Variants in MICU1 observed in about 807,000 individuals in gnomAD.
MICU1 encodes calcium uptake protein 1, mitochondrial.
MICU1 carries 45 observed loss-of-function variants against 56.8 expected under a neutral mutation model. That is an observed-to-expected ratio of 0.79 (90% confidence interval 0.62 to 1.02). The LOEUF (loss-of-function observed/expected upper bound fraction) is 1.02. Ranked by LOEUF, MICU1 falls within the 50% of genes least tolerant of loss-of-function variation. The pLI, the probability that MICU1 is intolerant of heterozygous loss-of-function variation, is 0.00. For missense variants in MICU1, 504 were observed against 587.1 expected (o/e 0.86, Z 1.46); for synonymous variants, 186 against 195.1 (o/e 0.95, Z 0.39).
intron 5 of MICU1, among the ~76,000 whole-genome samples, chr10:72,511,561 G>T (rs186685211): frequency 1.8e-3 from 276 of 152,216 alleles, no homozygotes; most frequent in African/African-American, 5.4e-3. Flanking sequence ...AGTTATAAAG[G>T]CAGTCATCTG....
intron 10 of MICU1, among the ~76,000 whole-genome samples, chr10:72,404,461 G>A (rs1171125627): frequency 1.3e-5 from 2 of 152,142 alleles, no homozygotes; most frequent in South Asian, 2.1e-4. Context: ...ACAAACCATA[G>A]AGAAAATTAA....
chr10:72,469,090 C>G (rs111512850), intron 8 of MICU1, among the ~76,000 whole-genome samples: 2 of 152,288 alleles, frequency 1.3e-5, no homozygotes, highest in South Asian at 2.1e-4. Context: ...CTAAACCTGA[C>G]AGGGTTGTTG....
intron 1 of MICU1, among the ~76,000 whole-genome samples, chr10:72,585,347 T>C (rs919195105): frequency 1.3e-5 from 2 of 152,194 alleles, no homozygotes; most frequent in African/African-American, 4.8e-5. Context: ...TTATCCTCAC[T>C]TTGTATACCT....
chr10:72,587,879 G>A (rs2132521290), intron 1 of MICU1, among the ~76,000 whole-genome samples: 1 of 152,236 alleles, frequency 6.6e-6, no homozygotes, highest in East Asian at 1.9e-4. Flanking sequence ...TTCTTTGAGA[G>A]AAAAACACTT....
intron 6 of MICU1, among the ~76,000 whole-genome samples, chr10:72,501,275 A>G (rs1867059730): frequency 6.6e-6 from 1 of 152,158 alleles, no homozygotes; most frequent in African/African-American, 2.4e-5. Flanking sequence ...TGAATTCTGA[A>G]TTATAAGAAA....
intron 10 of MICU1, among the ~76,000 whole-genome samples, chr10:72,402,312 T>C (rs1161039346): frequency 6.6e-6 from 1 of 152,212 alleles, no homozygotes; most frequent in African/African-American, 2.4e-5. Flanking sequence ...AAAGGCATTT[T>C]GTTCCTGACT....
intron 1 of MICU1, among the ~76,000 whole-genome samples, chr10:72,578,608 T>C (rs1840814821): frequency 2.0e-5 from 3 of 151,262 alleles, no homozygotes; most frequent in African/African-American, 7.4e-5. Flanking sequence ...TTTTTTTTGC[T>C]GTTGTTGTTG....
At chr10:72,563,142 G>T in intron 2 of MICU1, 79 bp from the exon 3 acceptor site, 1 of 1,082,366 alleles carries the variant, frequency 9.2e-7, no homozygotes, top group Non-Finnish European at 1.2e-6. Flanking sequence ...ATACAGCTTA[G>T]CAGAGCAACA....
intron 4 of MICU1, among the ~76,000 whole-genome samples, chr10:72,544,382 A>G (rs1400790888): frequency 1.3e-5 from 2 of 152,086 alleles, no homozygotes; most frequent in East Asian, 1.9e-4. Flanking sequence ...GTCATCCTAG[A>G]GATAATATGG....
At chr10:72,613,821 C>T (rs986498633) in intron 1 of MICU1, among the ~76,000 whole-genome samples, 3 of 151,972 alleles carry the variant, frequency 2.0e-5, no homozygotes, top group Non-Finnish European at 4.4e-5. Flanking sequence ...CTTTTTCTCC[C>T]CTTACAACTC....
intron 5 of MICU1, chr10:72,524,827 A>T (rs376805063): frequency 1.1e-6 from 1 of 888,518 alleles, no homozygotes; most frequent in African/African-American, 1.7e-5. Context: ...CATATCACAA[A>T]ACATAATATA....
At chr10:72,554,747 G>A (rs1840116884) in intron 3 of MICU1, among the ~76,000 whole-genome samples, 1 of 152,178 alleles carries the variant, frequency 6.6e-6, no homozygotes, top group Non-Finnish European at 1.5e-5. Context: ...AGGCGCCGTG[G>A]CTCATGCCTG....
chr10:72,605,541 T>C (rs993770166), intron 1 of MICU1, among the ~76,000 whole-genome samples: 7 of 152,342 alleles, frequency 4.6e-5, no homozygotes, highest in East Asian at 3.9e-4. Flanking sequence ...AGAATCCACA[T>C]GGCCTCCTGG....
At chr10:72,570,281 C>T (rs1433071144) in intron 1 of MICU1, among the ~76,000 whole-genome samples, 2 of 152,112 alleles carry the variant, frequency 1.3e-5, no homozygotes, top group Non-Finnish European at 2.9e-5. Context: ...GCACTTTGTA[C>T]ATATCTTCCT....
At position 72,557,691 on chromosome 10, in the gene MICU1, A is replaced by C. The variant is rs957224298; in HGVS notation, c.330+5204T>G. Among the ~76,000 whole-genome samples the C allele has an allele frequency of 5.9e-5, 9 of 152,208 alleles. No individual in the cohort carries two copies. In the South Asian group the frequency reaches 1.2e-3, roughly 21 times the overall value. ...AAGCTACTAAACTCCTTCACACAAT[A>C]AACTATATATGTATATAAGTGAATG... is the stretch of plus-strand genomic sequence containing the variant. On this transcript the variant is annotated intron_variant, in intron 3 of 11. Transcript: ENST00000361114.
At chr10:72,430,450 A>AAT (rs1396998830) in intron 8 of MICU1, among the ~76,000 whole-genome samples, 1 of 152,186 alleles carries the variant, frequency 6.6e-6, no homozygotes, top group Non-Finnish European at 1.5e-5. Flanking sequence ...TATAACAGAC[A>AAT]AGTTATGAAG....
chr10:72,369,208 G>A (rs1476774398), intron 11 of MICU1, among the ~76,000 whole-genome samples: 1 of 151,658 alleles, frequency 6.6e-6, no homozygotes, highest in Admixed American at 6.6e-5. Context: ...ATTACCACCC[G>A]GTGATTGCGG....
chr10:72,473,709 G>C (rs1245280592), intron 8 of MICU1, among the ~76,000 whole-genome samples: 3 of 152,078 alleles, frequency 2.0e-5, no homozygotes, highest in South Asian at 2.1e-4. Context: ...AGTGGCTCTA[G>C]GGGGAAATCA....
At chr10:72,559,945 G>A (rs879839255) in intron 3 of MICU1, among the ~76,000 whole-genome samples, 7 of 152,140 alleles carry the variant, frequency 4.6e-5, no homozygotes, top group South Asian at 2.1e-4. Flanking sequence ...GGTTGTGTGC[G>A]TTATGAGAAT....
Sources: allele counts gnomAD v4.1 joint callset (sites outside exome capture counted in the v4.1 genomes callset), GRCh38; gene constraint gnomAD v4.1.1; transcripts MANE v1.5; gene names NCBI Gene and HGNC (gene_info 2026-07-23, HGNC 2026-07-21).